The following ADGRE3 variants were observed in gnomAD, a reference collection of about 807,000 sequenced individuals.
ADGRE3 encodes EGF-like module receptor 3.
ADGRE3 carries 88 observed loss-of-function variants against 80.1 expected under a neutral mutation model. That is an observed-to-expected ratio of 1.10 (90% CI 0.93 to 1.31). The LOEUF is 1.31. Ranked by LOEUF, ADGRE3 falls within the 40% of genes most tolerant of loss-of-function variation. The pLI, the probability that ADGRE3 is intolerant of heterozygous loss-of-function variation, is 0.00. For synonymous variants in ADGRE3, 281 were observed against 294.8 expected (o/e 0.95, Z 0.48); for missense variants, 715 against 776.5 (o/e 0.92, Z 0.94).
the ADGRE3 span, among the ~76,000 whole-genome samples, chr19:14,608,642 T>C: frequency 6.7e-6 from 1 of 148,856 alleles, no homozygotes; most frequent in Non-Finnish European, 1.5e-5. Context: ...TTTTTTTTTT[T>C]TTTTTTTTTG....
At chr19:14,610,235 T>C in the ADGRE3 span, 1 of 1,545,268 alleles carries the variant, frequency 6.5e-7, no homozygotes, top group African/African-American at 1.4e-5. Context: ...TCTGAGTGTC[T>C]CTTTGAGATG....
chr19:14,673,215 C>A (rs1357032518), intron 1 of ADGRE3, among the ~76,000 whole-genome samples: 1 of 152,244 alleles, frequency 6.6e-6, no homozygotes, highest in African/African-American at 2.4e-5. Flanking sequence ...GCTGCCTCTG[C>A]AGCAGAATAG....
rs1335714415 is a variant in ADGRE3, at chr19:14,674,649, C to A, written c.25+97G>T. 5.6e-6 allele frequency: 7 copies of A among 1,257,852 alleles called. No homozygotes were observed. In the East Asian group the frequency reaches 1.6e-4, roughly 29 times the overall value. 77.9% of individuals were successfully genotyped at this position (1,257,852 alleles called of 1,614,324 possible). A position where few individuals can be genotyped will look rare whatever the true frequency, so the allele number is the denominator to read the frequency against. On this transcript the variant is annotated intron_variant, in intron 1 of 15. Transcript: ENST00000253673. Reference sequence around the variant, plus strand: ...AGGGAAAAGGTGAGAGTGTTCAGAGCAGAAGAAAGAGGAGGAGAAAATAAC... The same window carrying A: ...AGGGAAAAGGTGAGAGTGTTCAGAGAAGAAGAAAGAGGAGGAGAAAATAAC...
chr19:14,674,609 G>A, intron 1 of ADGRE3, 137 bp downstream of exon 1: 1 of 804,610 alleles, frequency 1.2e-6, no homozygotes, highest in Non-Finnish European at 2.0e-6. Context: ...AGTCAGGAAG[G>A]AAACCACACT....
chr19:14,629,152 G>A (rs1394980618), intron 14 of ADGRE3, among the ~76,000 whole-genome samples: 2 of 152,092 alleles, frequency 1.3e-5, no homozygotes, highest in Admixed American at 6.6e-5. Flanking sequence ...TCAAACTCCT[G>A]AGCACAAGTG....
intron 15 of ADGRE3, among the ~76,000 whole-genome samples, chr19:14,620,408 A>ATGTATATTCATGTATATATGAATATATC (rs1970510444): frequency 8.4e-6 from 1 of 119,040 alleles, no homozygotes; most frequent in African/African-American, 3.4e-5. Context: ...ATGAATATAT[A>ATGTATATTCATGTATATATGAATATATC]TGTATATTCA....
chr19:14,619,294 C>T lies in ADGRE3; in HGVS notation c.*139G>A, dbSNP rs1347731742. On this transcript the variant is annotated 3_prime_UTR_variant, in exon 16 of 16. Transcript: ENST00000253673. Reference sequence around the variant, plus strand: ...TTGAGAGCCTATTGTGGAGAACAAACAGCTTGGGAAGTAAAGGTTGATTAC... The same window carrying T: ...TTGAGAGCCTATTGTGGAGAACAAATAGCTTGGGAAGTAAAGGTTGATTAC... The T allele has an allele frequency of 8.5e-6, 6 of 709,160 alleles. No individual in the cohort carries two copies. Among genetic ancestry groups the T allele is most frequent in the East Asian group, 2.6e-5 (1 of 39,120 alleles). 43.9% of individuals were successfully genotyped at this position (709,160 alleles called of 1,614,324 possible). A position where few individuals can be genotyped will look rare whatever the true frequency, so the allele number is the denominator to read the frequency against.
At chr19:14,635,996 T>A (rs942533705) in intron 11 of ADGRE3, among the ~76,000 whole-genome samples, 11 of 50,680 alleles carry the variant, frequency 2.2e-4, no homozygotes, top group African/African-American at 5.9e-4. Context: ...CTCCTTTCTC[T>A]CTCTTTCTCT....
the ADGRE3 span, among the ~76,000 whole-genome samples, chr19:14,604,085 C>A: frequency 6.6e-6 from 1 of 152,174 alleles, no homozygotes; most frequent in African/African-American, 2.4e-5. Context: ...CTCCTCCTAT[C>A]CCATTCTGGG....
chr19:14,616,563 G>A (rs771212565), downstream of ADGRE3, among the ~76,000 whole-genome samples: 1 of 151,766 alleles, frequency 6.6e-6, no homozygotes, highest in Non-Finnish European at 1.5e-5. Context: ...GAAGCCAAGA[G>A]AAGAGAATGC....
chr19:14,617,373 T>TC (rs1555752291), downstream of ADGRE3, among the ~76,000 whole-genome samples: 1 of 121,798 alleles, frequency 8.2e-6, no homozygotes, highest in Non-Finnish European at 1.8e-5. Context: ...TTTCTTTCTT[T>TC]CTTCCTTTCT....
At chr19:14,615,571 G>A (rs968413797), downstream of ADGRE3, among the ~76,000 whole-genome samples, 3 of 151,822 alleles carry the variant, frequency 2.0e-5, no homozygotes, top group Admixed American at 2.0e-4. Context: ...GACCAGCCTG[G>A]GCAACATGTT....
At chr19:14,621,227 C>A (rs905813205) in intron 15 of ADGRE3, among the ~76,000 whole-genome samples, 1 of 151,978 alleles carries the variant, frequency 6.6e-6, no homozygotes, top group South Asian at 2.1e-4. Flanking sequence ...CTGAGGCGGG[C>A]GGATCACTTG....
downstream of ADGRE3, among the ~76,000 whole-genome samples, chr19:14,615,621 G>A (rs2075070840): frequency 6.6e-6 from 1 of 151,412 alleles, no homozygotes; most frequent in African/African-American, 2.4e-5. Flanking sequence ...AATTAGCCGG[G>A]CGTGGTGGTG....
At chr19:14,654,545 G>T (rs74778001) in intron 6 of ADGRE3, among the ~76,000 whole-genome samples, 166 of 152,210 alleles carry the variant, frequency 1.1e-3, no homozygotes, top group African/African-American at 3.8e-3. Flanking sequence ...GAATACAGTC[G>T]TGAGCCATCA....
chr19:14,603,841 A>C, the ADGRE3 span, among the ~76,000 whole-genome samples: 1 of 152,144 alleles, frequency 6.6e-6, no homozygotes, highest in Non-Finnish European at 1.5e-5. Flanking sequence ...ACTATTCTAC[A>C]TATTGGGGAT....
the ADGRE3 span, among the ~76,000 whole-genome samples, chr19:14,608,937 T>C: frequency 3.7e-3 from 560 of 152,048 alleles, 4 homozygotes; most frequent in African/African-American, 0.013. Context: ...GTAGCTGGGA[T>C]TACAGGCGCC....
chr19:14,619,331 GGAT>G lies in ADGRE3; in HGVS notation c.*99_*101del. The G allele has an allele frequency of 1.1e-6, 1 of 896,860 alleles. No homozygotes were observed. Among genetic ancestry groups the G allele is most frequent in the Non-Finnish European group, 1.8e-6 (1 of 544,922 alleles). 55.6% of individuals were successfully genotyped at this position (896,860 alleles called of 1,614,324 possible). A position where few individuals can be genotyped will look rare whatever the true frequency, so the allele number is the denominator to read the frequency against. ...TAAAGGTTGATTACTTCCTCTCCAAGGATGATATGTTTAATGAATTCCCTTTTC... is the reference window on the plus strand; with the variant it reads ...TAAAGGTTGATTACTTCCTCTCCAAGGATATGTTTAATGAATTCCCTTTTC... On this transcript the variant is annotated 3_prime_UTR_variant, in exon 16 of 16. Transcript: ENST00000253673.
chr19:14,631,512 T>C (rs1177648039), intron 13 of ADGRE3, among the ~76,000 whole-genome samples: 1 of 151,212 alleles, frequency 6.6e-6, no homozygotes, highest in Non-Finnish European at 1.5e-5. Flanking sequence ...ACACACAATA[T>C]ATATATGTAC....
Sources: gnomAD v4.1 joint callset for allele counts (sites outside exome capture counted in the v4.1 genomes callset) on GRCh38, gnomAD v4.1.1 for gene constraint, MANE v1.5 for transcripts, NCBI Gene and HGNC (gene_info 2026-07-23, HGNC 2026-07-21) for gene names.